ATRX: variants seen among roughly 807,000 people sequenced by gnomAD.
ATRX encodes chromatin remodeler ATRX.
Under a neutral mutation model 172.6 loss-of-function variants are expected in ATRX, and 12 were observed. The ratio of observed to expected loss-of-function variants is 0.07; its 90% confidence interval spans 0.04 to 0.11. ATRX has a LOEUF of 0.11. Ranked by LOEUF, ATRX falls within the 10% of genes least tolerant of loss-of-function variation. The pLI is 1.00. For missense variants in ATRX, 1,368 were observed against 1,767.4 expected (o/e 0.77, Z 4.05); for synonymous variants, 674 against 594.7 (o/e 1.13, Z -1.94).
At chrX:77,661,159 G>T (rs1406395225) in intron 12 of ATRX, among the ~76,000 whole-genome samples, 4 of 112,045 alleles carry the variant, frequency 3.6e-5, no homozygotes, top group African/African-American at 1.3e-4. Flanking sequence ...CTTGTTCCTT[G>T]ATCTGGGTGC....
At chrX:77,583,437 T>C (rs1458264220) in intron 27 of ATRX, among the ~76,000 whole-genome samples, 1 of 110,373 alleles carries the variant, frequency 9.1e-6, no homozygotes, top group Non-Finnish European at 1.9e-5. Context: ...AGCAGGAGAA[T>C]CACTTGAACC....
intron 1 of ATRX, among the ~76,000 whole-genome samples, chrX:77,719,520 C>G (rs1354931514): frequency 9.0e-6 from 1 of 110,768 alleles, no homozygotes; most frequent in East Asian, 2.9e-4. Context: ...CAAAAAAAAC[C>G]AGGGGCTGCA....
chrX:77,547,747 C>CA (rs1263377990), intron 30 of ATRX, among the ~76,000 whole-genome samples: 2 of 111,420 alleles, frequency 1.8e-5, no homozygotes, highest in Admixed American at 9.6e-5. Flanking sequence ...TTCCTGATTA[C>CA]AACTGATCTC....
At chrX:77,666,822 T>A (rs1557126485) in intron 10 of ATRX, among the ~76,000 whole-genome samples, 3 of 111,552 alleles carry the variant, frequency 2.7e-5, no homozygotes, top group African/African-American at 9.8e-5. Flanking sequence ...ATCATGCCAT[T>A]GCACTCCAAC....
chrX:77,767,214 G>A (rs1368947638), intron 1 of ATRX, among the ~76,000 whole-genome samples: 4 of 107,835 alleles, frequency 3.7e-5, no homozygotes, highest in African/African-American at 1.0e-4. Context: ...ACCGTGGAAA[G>A]AGAGGGAGAG....
chrX:77,735,897 G>A (rs1401924656), intron 1 of ATRX, among the ~76,000 whole-genome samples: 9 of 109,046 alleles, frequency 8.3e-5, no homozygotes, highest in Non-Finnish European at 1.7e-4. Context: ...CCAGCTACTC[G>A]GGAGGCTGAG....
At chrX:77,636,110 G>C (rs2148362057) in intron 15 of ATRX, 54 bp from the exon 16 acceptor site, 1 of 1,162,437 alleles carries the variant, frequency 8.6e-7, no homozygotes, top group Non-Finnish European at 1.2e-6. Flanking sequence ...TTCAAGCAAT[G>C]GTCAGTCTTA....
At chrX:77,556,140 C>T (rs1000496694) in intron 30 of ATRX, among the ~76,000 whole-genome samples, 16 of 100,678 alleles carry the variant, frequency 1.6e-4, no homozygotes, top group Non-Finnish European at 3.0e-4. Context: ...TGCGCCACTG[C>T]ACTCCAGCCT....
At chrX:77,535,121 T>C (rs1407200723) in intron 30 of ATRX, among the ~76,000 whole-genome samples, 11 of 112,403 alleles carry the variant, frequency 9.8e-5, no homozygotes, top group African/African-American at 3.2e-4. Flanking sequence ...AATTTGAAGG[T>C]TCTTTCTTCC....
chrX:77,764,926 G>A (rs1326944805), intron 1 of ATRX, among the ~76,000 whole-genome samples: 1 of 112,022 alleles, frequency 8.9e-6, no homozygotes, highest in Non-Finnish European at 1.9e-5. Context: ...GCTCATGCCT[G>A]TAATCCTCAC....
At chrX:77,713,507 G>C (rs1450605428) in intron 2 of ATRX, among the ~76,000 whole-genome samples, 1 of 111,606 alleles carries the variant, frequency 9.0e-6, no homozygotes, top group African/African-American at 3.3e-5. Context: ...CAGAAAGAAA[G>C]TGTTCAAGAA....
intron 2 of ATRX, among the ~76,000 whole-genome samples, chrX:77,716,110 A>AT (rs199639051): frequency 0.017 from 945 of 54,319 alleles, 53 homozygotes; most frequent in Middle Eastern, 0.021. Context: ...GTCTCTAAAA[A>AT]TTTTTTTTTT....
intron 28 of ATRX, among the ~76,000 whole-genome samples, chrX:77,562,591 T>C (rs1306629946): frequency 8.9e-6 from 1 of 112,052 alleles, no homozygotes; most frequent in Non-Finnish European, 1.9e-5. Flanking sequence ...GTCTCCCAGG[T>C]TGGAGTGCAG....
At chrX:77,657,164 C>T (rs1023731242) in intron 12 of ATRX, among the ~76,000 whole-genome samples, 3 of 110,769 alleles carry the variant, frequency 2.7e-5, no homozygotes, top group African/African-American at 9.9e-5. Flanking sequence ...GCTGTGAGGG[C>T]GTATGGTTAT....
At chrX:77,658,143 TGA>T (rs2069655316) in intron 12 of ATRX, among the ~76,000 whole-genome samples, 1 of 111,023 alleles carries the variant, frequency 9.0e-6, no homozygotes, top group Non-Finnish European at 1.9e-5. Context: ...CCCAGGAGGT[TGA>T]GTCTGCAGTG....
At chrX:77,726,386 C>T (rs542224716) in intron 1 of ATRX, among the ~76,000 whole-genome samples, 3 of 105,277 alleles carry the variant, frequency 2.8e-5, no homozygotes, top group African/African-American at 1.1e-4. Context: ...AAAAACCAAA[C>T]ACCGCATGTT....
chrX:77,636,852 G>C (rs1201597513), intron 15 of ATRX, among the ~76,000 whole-genome samples: 1 of 103,524 alleles, frequency 9.7e-6, no homozygotes, highest in Non-Finnish European at 2.0e-5. Context: ...GGTGGAAGGA[G>C]GAGGAAGGAG....
chrX:77,783,064 T>G (rs2054411277), intron 1 of ATRX, among the ~76,000 whole-genome samples: 4 of 110,530 alleles, frequency 3.6e-5, no homozygotes, highest in African/African-American at 1.3e-4. Context: ...TGAAACTCCC[T>G]CTCTACTAAA....
chrX:77,643,229 C>G (rs1186465610), intron 15 of ATRX, among the ~76,000 whole-genome samples: 1 of 110,324 alleles, frequency 9.1e-6, no homozygotes, highest in African/African-American at 3.3e-5. Flanking sequence ...TAACTCAGAG[C>G]TCTGGTGAGA....
Sources: gnomAD v4.1 joint callset for allele counts (sites outside exome capture counted in the v4.1 genomes callset) on GRCh38, gnomAD v4.1.1 for gene constraint, MANE v1.5 for transcripts, NCBI Gene and HGNC (gene_info 2026-07-23, HGNC 2026-07-21) for gene names.